The following DOCK7 variants were observed in gnomAD, a reference collection of about 807,000 sequenced individuals.
The protein encoded by DOCK7 is dedicator of cytokinesis 7.
Under a neutral mutation model 271.0 loss-of-function variants are expected in DOCK7, and 138 were observed. The ratio of observed to expected loss-of-function variants is 0.51; its 90% CI spans 0.44 to 0.59. DOCK7 has a LOEUF of 0.59. Ranked by LOEUF, DOCK7 falls within the 20% of genes least tolerant of loss-of-function variation. The pLI, the probability that DOCK7 is intolerant of heterozygous loss-of-function variation, is 0.00. For synonymous variants in DOCK7, 823 were observed against 876.1 expected (o/e 0.94, Z 1.07); for missense variants, 2,066 against 2,592.4 (o/e 0.80, Z 4.41).
At chr1:62,476,232 T>C (rs1645965231) in intron 44 of DOCK7, 76 bp from the exon 45 acceptor site, 1 of 1,073,528 alleles carries the variant, frequency 9.3e-7, no homozygotes, top group Non-Finnish European at 1.4e-6. Flanking sequence ...GGGTGACTCC[T>C]GAGCAAAATT....
At chr1:62,582,549 C>CAAAAAAAAAAAA (rs34110232) in intron 16 of DOCK7, among the ~76,000 whole-genome samples, 4 of 16,872 alleles carry the variant, frequency 2.4e-4, no homozygotes, top group Non-Finnish European at 3.9e-4. Flanking sequence ...GACTCCGTCT[C>CAAAAAAAAAAAA]AAAAAAAAAA....
At chr1:62,542,580 T>C (rs757835495) in intron 25 of DOCK7, 28 bp downstream of exon 25, 1 of 1,584,860 alleles carries the variant, frequency 6.3e-7, no homozygotes, top group Middle Eastern at 1.7e-4. Flanking sequence ...AGAAAAAATA[T>C]TAAAGAACAT....
chr1:62,483,593 T>TA (rs944425054), intron 43 of DOCK7: 3 of 151,726 alleles, frequency 2.0e-5, no homozygotes, highest in Non-Finnish European at 4.4e-5. Flanking sequence ...TTTCTTTTTT[T>TA]TTTTTTTGAG....
At chr1:62,459,080 A>G (rs1645436094) in intron 48 of DOCK7, 4 of 152,184 alleles carry the variant, frequency 2.6e-5, no homozygotes, top group African/African-American at 9.7e-5. Flanking sequence ...TTTAAAATAG[A>G]GTATCAAAAA....
intron 17 of DOCK7, among the ~76,000 whole-genome samples, chr1:62,578,219 A>G (rs867545218): frequency 2.6e-5 from 4 of 152,360 alleles, no homozygotes; most frequent in African/African-American, 9.6e-5. Context: ...TTATCTGCTG[A>G]AGAGTCTATG....
At chr1:62,627,788 T>C (rs901591803) in intron 11 of DOCK7, 1 of 152,120 alleles carries the variant, frequency 6.6e-6, no homozygotes, top group African/African-American at 2.4e-5. Context: ...TTTAAAATTG[T>C]TAAAATGGCA....
chr1:62,605,852 C>T (rs548460697), intron 14 of DOCK7: 2 of 151,902 alleles, frequency 1.3e-5, no homozygotes, highest in African/African-American at 2.4e-5. Flanking sequence ...TCCCTAAATC[C>T]CTAAAGATTA....
At chr1:62,546,791 G>C (rs72667365) in intron 22 of DOCK7, among the ~76,000 whole-genome samples, 3 of 151,772 alleles carry the variant, frequency 2.0e-5, no homozygotes, top group African/African-American at 7.3e-5. Flanking sequence ...ACAATATTTC[G>C]AATAAAAGCA....
chr1:62,555,739 C>G, intron 21 of DOCK7, 86 bp downstream of exon 21: 1 of 1,419,148 alleles, frequency 7.0e-7, no homozygotes, highest in South Asian at 1.4e-5. Context: ...ATAAATGGAT[C>G]ACAGTATGGA....
intron 14 of DOCK7, chr1:62,607,644 T>C (rs1651194522): frequency 6.6e-6 from 1 of 152,208 alleles, no homozygotes; most frequent in African/African-American, 2.4e-5. Context: ...CAGAGGATAA[T>C]GAAAACAAAT....
At chr1:62,461,656 G>A (rs1571175210) in intron 48 of DOCK7, among the ~76,000 whole-genome samples, 2 of 139,590 alleles carry the variant, frequency 1.4e-5, no homozygotes, top group East Asian at 4.4e-4. Context: ...GGGTGACACA[G>A]TGAGACCCCA....
At chr1:62,565,914 AG>A (rs1206548146) in intron 18 of DOCK7, among the ~76,000 whole-genome samples, 3 of 152,224 alleles carry the variant, frequency 2.0e-5, no homozygotes, top group Non-Finnish European at 2.9e-5. Context: ...CACCAATAAC[AG>A]GCAGAGAGCC....
chr1:62,589,804 C>G (rs983655994), intron 14 of DOCK7, among the ~76,000 whole-genome samples: 1 of 151,106 alleles, frequency 6.6e-6, no homozygotes, highest in African/African-American at 2.4e-5. Flanking sequence ...ATGGCGTGAA[C>G]CCGGTAGGCG....
intron 7 of DOCK7, chr1:62,641,276 G>A (rs1054267076): frequency 2.4e-6 from 1 of 419,832 alleles, no homozygotes; most frequent in Admixed American, 2.8e-5. Flanking sequence ...GGCTGTCACT[G>A]CCTGGTACTT....
intron 12 of DOCK7, among the ~76,000 whole-genome samples, chr1:62,623,304 G>C (rs1159505662): frequency 6.6e-6 from 1 of 152,116 alleles, no homozygotes; most frequent in African/African-American, 2.4e-5. Flanking sequence ...AATAGTATAT[G>C]CTCATGGTTA....
intron 1 of DOCK7, 84 bp from the exon 2 acceptor site, chr1:62,663,214 T>C (rs1213782824): frequency 2.9e-6 from 3 of 1,032,366 alleles, no homozygotes; most frequent in African/African-American, 3.2e-5. Flanking sequence ...GCTAAATACA[T>C]TAAAGATTCA....
At chr1:62,644,793 AC>A (rs928664032) in intron 7 of DOCK7, among the ~76,000 whole-genome samples, 6 of 152,194 alleles carry the variant, frequency 3.9e-5, no homozygotes, top group Admixed American at 3.9e-4. Flanking sequence ...AACTTCTGTG[AC>A]CTCAAGTTCT....
intron 19 of DOCK7, among the ~76,000 whole-genome samples, chr1:62,560,587 C>A (rs760734280): frequency 2.5e-4 from 38 of 152,058 alleles, no homozygotes; most frequent in Non-Finnish European, 2.5e-4. Flanking sequence ...AGGTCCTTCA[C>A]AATCTATTAC....
At chr1:62,478,306 TA>T (rs933409100) in intron 43 of DOCK7, 1 of 152,380 alleles carries the variant, frequency 6.6e-6, no homozygotes, top group African/African-American at 2.4e-5. Flanking sequence ...TTGTAAAAGT[TA>T]GGAGTCAAAG....
Sources: allele counts gnomAD v4.1 joint callset (sites outside exome capture counted in the v4.1 genomes callset), GRCh38; gene constraint gnomAD v4.1.1; transcripts MANE v1.5; gene names NCBI Gene and HGNC (gene_info 2026-07-23, HGNC 2026-07-21).